The following PDE4B variants were observed in gnomAD, a reference collection of about 807,000 sequenced individuals.
PDE4B encodes the protein phosphodiesterase 4B, also known as 3',5'-cyclic-AMP phosphodiesterase 4B.
In PDE4B, 20 loss-of-function variants were observed where a neutral mutation model predicts 82.2. The observed-to-expected ratio is 0.24, with a 90% CI of 0.17 to 0.35. The LOEUF (loss-of-function observed/expected upper bound fraction) is 0.35, where lower values mean the gene tolerates loss of function less well. Ranked by LOEUF, PDE4B falls within the 10% of genes least tolerant of loss-of-function variation. The pLI, the probability that PDE4B is intolerant of heterozygous loss-of-function variation, is 1.00. For missense variants in PDE4B, 655 were observed against 907.2 expected (o/e 0.72, Z 3.57); for synonymous variants, 320 against 318.9 (o/e 1.00, Z -0.04).
chr1:65,872,226 A>T (rs1646581331), intron 1 of PDE4B, among the ~76,000 whole-genome samples: 1 of 152,212 alleles, frequency 6.6e-6, no homozygotes, highest in African/African-American at 2.4e-5. Flanking sequence ...CAAATTACTT[A>T]GATTTTTTCC....
Position 66,087,899 on chromosome 1 carries a change from G to A in PDE4B, c.282-159561G>A, listed in dbSNP as rs576544281. ...GGGGGGAGGGGGGAGGGATAGCATT[G>A]GGAGATATACCTAATGCTAGATGAC... On this transcript the variant is annotated intron_variant, in intron 3 of 16. Transcript: ENST00000341517. Among the ~76,000 whole-genome samples the A allele has an allele frequency of 3.0e-3, 448 of 149,728 alleles. 5 individuals are homozygous for A. The highest frequency in any genetic ancestry group is 4.4e-3 in the Non-Finnish European group (293 of 67,340).
intron 3 of PDE4B, among the ~76,000 whole-genome samples, chr1:66,219,368 T>C (rs1165482723): frequency 6.6e-6 from 1 of 152,178 alleles, no homozygotes; most frequent in Non-Finnish European, 1.5e-5. Context: ...AACTTATTAG[T>C]AAATCATCAC....
At chr1:66,034,473 A>G (rs1242203450) in intron 3 of PDE4B, among the ~76,000 whole-genome samples, 1 of 152,204 alleles carries the variant, frequency 6.6e-6, no homozygotes, top group East Asian at 1.9e-4. Flanking sequence ...ATTATGGAAT[A>G]TTCCTGGGTT....
chr1:65,941,249 C>A (rs1648430833), intron 3 of PDE4B, among the ~76,000 whole-genome samples: 1 of 152,000 alleles, frequency 6.6e-6, no homozygotes, highest in African/African-American at 2.4e-5. Context: ...TGGGCATCAG[C>A]ACTGAAGAGC....
At chr1:65,866,537 CT>C (rs778219554) in intron 1 of PDE4B, among the ~76,000 whole-genome samples, 8 of 151,714 alleles carry the variant, frequency 5.3e-5, no homozygotes, top group Admixed American at 2.0e-4. Flanking sequence ...GAAAAAGAAA[CT>C]TTTTTTTTGC....
Position 65,843,183 on chromosome 1 carries a change from G to T in PDE4B, c.-71+49935G>T, listed in dbSNP as rs140722205. 2.7e-3 allele frequency among the ~76,000 whole-genome samples: 414 copies of T among 152,244 alleles called. 3 individuals carry two copies. The highest frequency in any genetic ancestry group is 9.4e-3 in the African/African-American group (389 of 41,540). ...ACACTGAGGAATTATGAAGAAAAGAGGTTATATAGGAGGTATACTCAGGAA... is the reference window on the plus strand; with the variant it reads ...ACACTGAGGAATTATGAAGAAAAGATGTTATATAGGAGGTATACTCAGGAA... On this transcript the variant is annotated intron_variant, in intron 1 of 16. Coordinates refer to ENST00000341517, the MANE Select transcript of PDE4B (RefSeq NM_002600.4).
rs929732698 is a variant in PDE4B at position 65,823,397 on chromosome 1, A to G, written c.-71+30149A>G. On this transcript the variant is annotated intron_variant, in intron 1 of 16. Transcript: ENST00000341517. ...GCCGACAGAGTGAGACTCCATCTCT[A>G]AAAAAAAAAAAAAAAAAAAAAAAAA... is the stretch of plus-strand genomic sequence containing the variant. 3.5e-4 allele frequency among the ~76,000 whole-genome samples: 30 copies of G among 86,930 alleles called. No homozygotes were observed. The East Asian group carries it at 9.5e-3, about 28-fold the overall frequency. 57.0% of individuals were successfully genotyped at this position (86,930 alleles called of 152,430 possible).
At chr1:66,088,527 A>G (rs1466998792) in intron 3 of PDE4B, among the ~76,000 whole-genome samples, 1 of 151,978 alleles carries the variant, frequency 6.6e-6, no homozygotes, top group Non-Finnish European at 1.5e-5. Flanking sequence ...TACAGATTCT[A>G]CTCTAATAAT....
chr1:65,914,458 C>G (rs1392150535), intron 2 of PDE4B, among the ~76,000 whole-genome samples: 1 of 143,052 alleles, frequency 7.0e-6, no homozygotes, highest in African/African-American at 2.6e-5. Context: ...GCATTTACTT[C>G]TTCTTCTTCT....
At chr1:66,040,051 C>T (rs1654283383) in intron 3 of PDE4B, among the ~76,000 whole-genome samples, 1 of 151,964 alleles carries the variant, frequency 6.6e-6, no homozygotes, top group Admixed American at 6.6e-5. Context: ...CTGGAACCTT[C>T]ATGATGGAGG....
At chr1:66,138,910 A>G (rs1031617129) in intron 3 of PDE4B, among the ~76,000 whole-genome samples, 5 of 152,152 alleles carry the variant, frequency 3.3e-5, no homozygotes, top group Non-Finnish European at 5.9e-5. Flanking sequence ...CACCTCTCCA[A>G]GTGGGAGAGG....
At chr1:65,877,531 C>T (rs1253814271) in intron 1 of PDE4B, among the ~76,000 whole-genome samples, 1 of 152,086 alleles carries the variant, frequency 6.6e-6, no homozygotes, top group East Asian at 1.9e-4. Context: ...AGGAGAATGG[C>T]ATGACCCTGG....
At chr1:66,220,017 C>G (rs1650842081) in intron 3 of PDE4B, among the ~76,000 whole-genome samples, 1 of 152,056 alleles carries the variant, frequency 6.6e-6, no homozygotes, top group East Asian at 1.9e-4. Context: ...GAAGGGCCTG[C>G]CAATTTACCC....
intron 3 of PDE4B, among the ~76,000 whole-genome samples, chr1:66,217,530 G>A (rs986219043): frequency 4.6e-5 from 7 of 152,024 alleles, no homozygotes; most frequent in African/African-American, 7.3e-5. Context: ...GGCTGAACTC[G>A]ACCAAAAGTC....
At chr1:66,167,168 T>C (rs1304146902) in intron 3 of PDE4B, among the ~76,000 whole-genome samples, 3 of 152,024 alleles carry the variant, frequency 2.0e-5, no homozygotes, top group African/African-American at 7.2e-5. Flanking sequence ...AAACATAAAG[T>C]ACAACATGAC....
rs571046813 is a variant in PDE4B, at chr1:66,266,945, T to C, written c.634+858T>C. ...GACACCTAACGATGCCTCACATGCTTTTCTATTTCCAGCAGCGCTTCATAC... is the reference window on the plus strand; with the variant it reads ...GACACCTAACGATGCCTCACATGCTCTTCTATTTCCAGCAGCGCTTCATAC... On this transcript the variant is annotated intron_variant, in intron 7 of 16. Coordinates refer to ENST00000341517, the MANE Select transcript of PDE4B (RefSeq NM_002600.4). The C allele has an allele frequency of 3.3e-4, 75 of 226,550 alleles. 1 individual carries two copies. Among genetic ancestry groups the C allele is most frequent in the Non-Finnish European group, 5.5e-5 (6 of 109,106 alleles). 14.0% of individuals were successfully genotyped at this position (226,550 alleles called of 1,614,324 possible).
intron 3 of PDE4B, among the ~76,000 whole-genome samples, 155 bp downstream of exon 3, chr1:65,918,990 C>T (rs1435379410): frequency 6.6e-6 from 1 of 152,116 alleles, no homozygotes; most frequent in Non-Finnish European, 1.5e-5. Flanking sequence ...AAGATAAGGT[C>T]TTGTAAACAG....
At chr1:66,369,962 A>G (rs985799079) in intron 16 of PDE4B, among the ~76,000 whole-genome samples, 1 of 152,024 alleles carries the variant, frequency 6.6e-6, no homozygotes, top group Middle Eastern at 3.2e-3. Flanking sequence ...AGCCTGGCCA[A>G]CATGGTGAAA....
intron 3 of PDE4B, among the ~76,000 whole-genome samples, chr1:66,110,149 G>A (rs1042825728): frequency 6.6e-6 from 1 of 151,780 alleles, no homozygotes; most frequent in African/African-American, 2.4e-5. Flanking sequence ...TGCTGGTAAA[G>A]AGGAACCTGA....
Sources: allele counts gnomAD v4.1 joint callset (sites outside exome capture counted in the v4.1 genomes callset), GRCh38; gene constraint gnomAD v4.1.1; transcripts MANE v1.5; gene names NCBI Gene and HGNC (gene_info 2026-07-23, HGNC 2026-07-21).